FAM135B: variants seen among roughly 807,000 people sequenced by gnomAD.
The protein encoded by FAM135B is family with sequence similarity 135 member B, also known as protein FAM135B.
In FAM135B, 43 loss-of-function variants were observed where a neutral mutation model predicts 127.7. The ratio of observed to expected loss-of-function variants is 0.34; its 90% CI spans 0.26 to 0.43. The LOEUF (loss-of-function observed/expected upper bound fraction) is 0.43, where lower values mean the gene tolerates loss of function less well. Among genes scored for constraint, FAM135B ranks in the 20% least tolerant of loss-of-function variants. The pLI, the probability that FAM135B is intolerant of heterozygous loss-of-function variation, is 1.00. For synonymous variants in FAM135B, 670 were observed against 665.1 expected, an observed-to-expected ratio of 1.01 and a Z score of -0.11; for missense variants, 1,558 against 1,725.6, an observed-to-expected ratio of 0.90 and a Z score of 1.72.
At chr8:138,200,755 A>G (rs1348499277) in intron 7 of FAM135B, among the ~76,000 whole-genome samples, 2 of 152,204 alleles carry the variant, frequency 1.3e-5, no homozygotes, top group South Asian at 2.1e-4. Context: ...ACACACTTAT[A>G]AGTTGGAGAA....
At chr8:138,463,139 T>A (rs958152326) in intron 1 of FAM135B, among the ~76,000 whole-genome samples, 2 of 152,174 alleles carry the variant, frequency 1.3e-5, no homozygotes, top group Non-Finnish European at 2.9e-5. Flanking sequence ...AAATTTTTGG[T>A]GAAAAGCACA....
chr8:138,297,379 C>T (rs553730560), intron 3 of FAM135B, among the ~76,000 whole-genome samples: 2 of 152,198 alleles, frequency 1.3e-5, no homozygotes, highest in Admixed American at 1.3e-4. Context: ...GCACTGGGCG[C>T]TTGCCCAAAG....
chr8:138,143,767 CAAAAATGTTTG>C (rs1403873049), intron 15 of FAM135B, among the ~76,000 whole-genome samples: 1 of 152,070 alleles, frequency 6.6e-6, no homozygotes, highest in Non-Finnish European at 1.5e-5. Context: ...GGCCAATATC[CAAAAATGTTTG>C]AAAAGTTCCT....
chr8:138,497,399 C>G (rs1214371294), upstream of FAM135B, among the ~76,000 whole-genome samples: 1 of 151,448 alleles, frequency 6.6e-6, no homozygotes, highest in East Asian at 2.0e-4. Flanking sequence ...GGCTGCGGCC[C>G]CGCGTGCGGC....
intron 1 of FAM135B, among the ~76,000 whole-genome samples, chr8:138,423,905 G>A (rs988230591): frequency 1.3e-5 from 2 of 152,126 alleles, no homozygotes; most frequent in African/African-American, 4.8e-5. Context: ...TCTTTCTCAG[G>A]GATGTTCCTT....
intron 8 of FAM135B, among the ~76,000 whole-genome samples, chr8:138,197,205 C>A (rs1215150472): frequency 6.6e-6 from 1 of 151,902 alleles, no homozygotes; most frequent in South Asian, 2.1e-4. Context: ...GGCTATAAAC[C>A]AGCATTTTCC....
chr8:138,242,911 T>G lies in FAM135B; in HGVS notation c.669+31A>C. On this transcript the variant is annotated intron_variant, in intron 7 of 19. Transcript: ENST00000395297. The surrounding 1 kb of genome is among the most constrained non-coding windows in gnomAD (Gnocchi z 9.6). ...CACTCTGCAAAGTAAAGTTTGAAAGTTTTGAAGCAACTGCCCCACACAGGC... is the reference window on the plus strand; with the variant it reads ...CACTCTGCAAAGTAAAGTTTGAAAGGTTTGAAGCAACTGCCCCACACAGGC... The G allele has an allele frequency of 6.3e-7, 1 of 1,593,912 alleles. No individual in the cohort carries two copies. The highest frequency in any genetic ancestry group is 8.5e-7 in the Non-Finnish European group (1 of 1,172,764).
At chr8:138,425,500 G>A (rs548314863) in intron 1 of FAM135B, 1 of 151,836 alleles carries the variant, frequency 6.6e-6, no homozygotes, top group Admixed American at 6.6e-5. Context: ...AAACTGTCCA[G>A]AGAGAAAGCA....
intron 3 of FAM135B, among the ~76,000 whole-genome samples, chr8:138,301,407 G>A (rs544394058): frequency 6.6e-6 from 1 of 152,222 alleles, no homozygotes; most frequent in African/African-American, 2.4e-5. Flanking sequence ...ATGACTATGA[G>A]AACTCTAAAC....
chr8:138,328,294 A>G (rs1827944454), intron 2 of FAM135B, among the ~76,000 whole-genome samples: 1 of 151,998 alleles, frequency 6.6e-6, no homozygotes, highest in Non-Finnish European at 1.5e-5. Context: ...ATTTTGGCTC[A>G]CTCCTAAGAA....
intron 7 of FAM135B, among the ~76,000 whole-genome samples, chr8:138,232,895 T>C (rs1820007462): frequency 6.6e-6 from 1 of 152,214 alleles, no homozygotes. Flanking sequence ...ATCTAGAATT[T>C]ATCCATCCCA....
intron 7 of FAM135B, among the ~76,000 whole-genome samples, chr8:138,226,243 T>C (rs1037707216): frequency 1.4e-4 from 21 of 151,100 alleles, no homozygotes; most frequent in African/African-American, 5.1e-4. Context: ...CATTAGTTTA[T>C]GTTGAACACT....
intron 2 of FAM135B, among the ~76,000 whole-genome samples, chr8:138,316,355 G>T (rs1299573665): frequency 6.6e-6 from 1 of 152,028 alleles, no homozygotes; most frequent in Non-Finnish European, 1.5e-5. Context: ...TTAGCCAGGC[G>T]CAGTGGCGGG....
intron 1 of FAM135B, among the ~76,000 whole-genome samples, chr8:138,415,656 CAGG>C (rs1834103377): frequency 6.6e-6 from 1 of 152,126 alleles, no homozygotes; most frequent in Non-Finnish European, 1.5e-5. Flanking sequence ...GATGACTTTG[CAGG>C]AGATCATCAA....
rs760780401 is a variant in FAM135B, at chr8:138,250,903, G to C, written c.480C>G (p.His160Gln). The change falls in exon 6 of 20, where the codon CAC (histidine) becomes CAG (glutamine). Residue 160 changes from histidine to glutamine, a missense_variant. Coordinates refer to ENST00000395297, the MANE Select transcript of FAM135B (RefSeq NM_015912.4). ...GGACGGTCACCGAGATCACAGACAG[G>C]TGGAAATAGTCGAACATGACCGGGA... is the stretch of plus-strand genomic sequence containing the variant. ...HQVPVMFDYFHLSVISVTVHA... is the reference protein window; with the variant it reads ...HQVPVMFDYFQLSVISVTVHA... 6.2e-7 allele frequency: 1 copy of C among 1,613,994 alleles called. No homozygotes were observed. Among genetic ancestry groups the C allele is most frequent in the Non-Finnish European group, 8.5e-7 (1 of 1,180,000 alleles).
chr8:138,276,547 C>A (rs1314766906), intron 3 of FAM135B, among the ~76,000 whole-genome samples: 4 of 152,170 alleles, frequency 2.6e-5, no homozygotes, highest in Admixed American at 6.5e-5. Flanking sequence ...CTGCCCACTC[C>A]AGAGGCTAAG....
chr8:138,140,856 C>T (rs1817079240), intron 17 of FAM135B, among the ~76,000 whole-genome samples: 1 of 152,194 alleles, frequency 6.6e-6, no homozygotes, highest in South Asian at 2.1e-4. Flanking sequence ...CTGGTCAGGA[C>T]TTAACCACAG....
chr8:138,138,929 C>G, intron 18 of FAM135B, 57 bp downstream of exon 18: 1 of 1,056,756 alleles, frequency 9.5e-7, no homozygotes, highest in Non-Finnish European at 1.5e-6. Context: ...ATTTGTGTCT[C>G]AGGAGTTGAA....
intron 1 of FAM135B, among the ~76,000 whole-genome samples, chr8:138,404,540 C>A (rs564329327): frequency 6.6e-6 from 1 of 152,306 alleles, no homozygotes; most frequent in African/African-American, 2.4e-5. Flanking sequence ...TGCTTGCTAA[C>A]ATTTTACCCA....
Sources: gnomAD v4.1 joint callset for allele counts (sites outside exome capture counted in the v4.1 genomes callset) on GRCh38, gnomAD v4.1.1 for gene constraint, Gnocchi (gnomAD v3.1) non-coding constraint, MANE v1.5 for transcripts, NCBI Gene and HGNC (gene_info 2026-07-23, HGNC 2026-07-21) for gene names.